PRKCE: variants seen among roughly 807,000 people sequenced by gnomAD.
PRKCE encodes the protein protein kinase C epsilon type.
Under a neutral mutation model 85.4 loss-of-function variants are expected in PRKCE, and 16 were observed. The ratio of observed to expected loss-of-function variants is 0.19; its 90% confidence interval spans 0.13 to 0.28. The LOEUF (loss-of-function observed/expected upper bound fraction) is 0.28. PRKCE is among the 10% of genes least tolerant of loss of function. PRKCE has a pLI of 1.00. For synonymous variants in PRKCE, 388 were observed against 371.5 expected (o/e 1.04, Z -0.51); for missense variants, 573 against 975.2 (o/e 0.59, Z 5.49).
chr2:46,041,282 A>C lies in PRKCE; in HGVS notation c.1437+30765A>C, dbSNP rs1708200655. Among the ~76,000 whole-genome samples the C allele has an allele frequency of 6.6e-6, 1 of 152,248 alleles. No homozygotes were observed. The highest frequency in any genetic ancestry group is 6.5e-5 in the Admixed American group (1 of 15,282). On this transcript the variant is annotated intron_variant, in intron 10 of 14. Transcript: ENST00000306156. The surrounding 1 kb of genome is among the most constrained non-coding windows in gnomAD (Gnocchi z 5.5). ...CAGAATTTTAAAGCAATATTAAAAC[A>C]AAACAAAATCCCTTTTCATGTAATG...
chr2:46,151,280 T>C (rs1342339807), intron 13 of PRKCE, 51 bp downstream of exon 13: 298 of 558,800 alleles, frequency 5.3e-4, no homozygotes, highest in Admixed American at 1.1e-3. Flanking sequence ...CTCCTCCCCC[T>C]ACACACACAC....
chr2:46,073,003 A>G (rs1192751323), intron 10 of PRKCE, among the ~76,000 whole-genome samples: 1 of 152,212 alleles, frequency 6.6e-6, no homozygotes, highest in Non-Finnish European at 1.5e-5. Context: ...TCAAAAATAA[A>G]TGCACATTCC....
intron 1 of PRKCE, among the ~76,000 whole-genome samples, chr2:45,725,542 C>T (rs1189954348): frequency 1.3e-5 from 2 of 152,146 alleles, no homozygotes; most frequent in African/African-American, 2.4e-5. Flanking sequence ...AAAGGATTCA[C>T]CATTCTAGAT....
chr2:45,911,042 A>G (rs879389344), intron 2 of PRKCE, among the ~76,000 whole-genome samples: 2 of 152,224 alleles, frequency 1.3e-5, no homozygotes, highest in African/African-American at 2.4e-5. Flanking sequence ...GGCTTTTTCA[A>G]TGGAGAGGTG....
chr2:46,060,907 G>A (rs532093134), intron 10 of PRKCE, among the ~76,000 whole-genome samples: 12 of 151,670 alleles, frequency 7.9e-5, no homozygotes, highest in African/African-American at 2.7e-4. Context: ...GACCGCAGGC[G>A]CACGCCACCA....
At chr2:45,688,291 T>C (rs544592673) in intron 1 of PRKCE, among the ~76,000 whole-genome samples, 1 of 152,226 alleles carries the variant, frequency 6.6e-6, no homozygotes, top group East Asian at 1.9e-4. Flanking sequence ...AAATTAAGAA[T>C]TCCCTAGTGT....
Position 45,918,888 on chromosome 2 carries a change from G to C in PRKCE, c.413-57541G>C, listed in dbSNP as rs373798638. On this transcript the variant is annotated intron_variant, in intron 2 of 14. Transcript: ENST00000306156. The stretch of plus-strand genomic sequence containing the variant: ...TATTGAATGTTGCAGAGGTTGGAGG[G>C]TCTCACAGCTCCTTTCACCATCTAA... 3.9e-5 allele frequency among the ~76,000 whole-genome samples: 6 copies of C among 152,182 alleles called. No homozygotes were observed. In the East Asian group the frequency reaches 1.2e-3, roughly 29 times the overall value.
rs570419943 is a variant in PRKCE at position 46,015,950 on chromosome 2, C to T, written c.1437+5433C>T. On this transcript the variant is annotated intron_variant, in intron 10 of 14. Coordinates refer to ENST00000306156, the MANE Select transcript of PRKCE (RefSeq NM_005400.3). ...ACAATGAGTTGGTTTGTGGGTCAGG[C>T]AGCCACCTGGGAATCAATATGCTCG... is the stretch of plus-strand genomic sequence containing the variant. Among the ~76,000 whole-genome samples the T allele has an allele frequency of 2.0e-5, 3 of 152,276 alleles. No homozygotes were observed. The East Asian group carries it at 5.8e-4, about 29-fold the overall frequency.
chr2:46,081,425 T>A (rs1339324058), intron 10 of PRKCE, among the ~76,000 whole-genome samples: 2 of 152,214 alleles, frequency 1.3e-5, no homozygotes, highest in Non-Finnish European at 2.9e-5. Context: ...CAAGCCAGAG[T>A]TACCAACAGT....
intron 10 of PRKCE, among the ~76,000 whole-genome samples, chr2:46,013,458 G>T (rs929100114): frequency 1.3e-5 from 2 of 152,194 alleles, no homozygotes; most frequent in Non-Finnish European, 2.9e-5. Flanking sequence ...TCTTCCCTAC[G>T]ATCTAGTGGA....
chr2:46,060,298 T>C (rs1666979337), intron 10 of PRKCE, among the ~76,000 whole-genome samples: 1 of 149,392 alleles, frequency 6.7e-6, no homozygotes, highest in African/African-American at 2.5e-5. Context: ...ATGTCTAATC[T>C]CCATACGTCA....
chr2:45,823,802 T>C (rs1344354567), intron 1 of PRKCE, among the ~76,000 whole-genome samples: 1 of 152,254 alleles, frequency 6.6e-6, no homozygotes, highest in Non-Finnish European at 1.5e-5. Context: ...GCTTTGCTGC[T>C]GGCAGCCACA....
chr2:46,142,985 A>C (rs1293652294), intron 11 of PRKCE, among the ~76,000 whole-genome samples: 1 of 152,192 alleles, frequency 6.6e-6, no homozygotes, highest in African/African-American at 2.4e-5. Flanking sequence ...CTGGCATTGG[A>C]GGAAGTCAAC....
At chr2:45,741,094 T>A (rs2176347) in intron 1 of PRKCE, among the ~76,000 whole-genome samples, 11 of 152,022 alleles carry the variant, frequency 7.2e-5, no homozygotes, top group South Asian at 2.1e-4. Flanking sequence ...GGAAATTTCC[T>A]TAGTGGAATT....
intron 1 of PRKCE, among the ~76,000 whole-genome samples, chr2:45,841,275 G>A (rs577176613): frequency 9.2e-5 from 14 of 152,342 alleles, no homozygotes; most frequent in South Asian, 2.1e-4. Flanking sequence ...CCGTCTGCAC[G>A]CTGAGGAGCA....
rs1677152683 is a variant in PRKCE, at chr2:46,155,948, A to G, written c.1921-3658A>G. Among the ~76,000 whole-genome samples, 1 of 151,868 alleles carries G rather than the reference A, an allele frequency of 6.6e-6. No homozygotes were observed. The highest frequency in any genetic ancestry group is 3.4e-3 in the Middle Eastern group (1 of 292). Reference sequence around the variant, plus strand: ...TGCAGCGCACCAGCATGGCACATGTATACATATGTAACTAACCTGCACAAT... The same window carrying G: ...TGCAGCGCACCAGCATGGCACATGTGTACATATGTAACTAACCTGCACAAT... On this transcript the variant is annotated intron_variant, in intron 13 of 14. Coordinates refer to ENST00000306156, the MANE Select transcript of PRKCE (RefSeq NM_005400.3). The surrounding 1 kb of genome is among the most constrained non-coding windows in gnomAD (Gnocchi z 4.7).
chr2:45,931,358 A>G (rs960258551), intron 2 of PRKCE, among the ~76,000 whole-genome samples: 3 of 152,238 alleles, frequency 2.0e-5, no homozygotes, highest in African/African-American at 7.2e-5. Flanking sequence ...TAAGGTGAAC[A>G]TTCCTCAGAC....
chr2:46,025,028 A>G (rs1255125835), intron 10 of PRKCE, among the ~76,000 whole-genome samples: 1 of 152,226 alleles, frequency 6.6e-6, no homozygotes, highest in Non-Finnish European at 1.5e-5. Context: ...AACACACTTC[A>G]CAAAGTATAG....
At position 45,792,227 on chromosome 2, in the gene PRKCE, G is replaced by T. The variant is rs546255669; in HGVS notation, c.349-50773G>T. ...GGGTGTCCTGGCTTTTAACAACCCA[G>T]TCTCACCAGAAGTAATCCAGTCTCC... On this transcript the variant is annotated intron_variant, in intron 1 of 14. Transcript: ENST00000306156. Among the ~76,000 whole-genome samples, 10 of 152,214 alleles carry T rather than the reference G, an allele frequency of 6.6e-5. No individual in the cohort carries two copies. The East Asian group carries it at 1.9e-3, about 29-fold the overall frequency.
Sources: gnomAD v4.1 joint callset for allele counts (sites outside exome capture counted in the v4.1 genomes callset) on GRCh38, gnomAD v4.1.1 for gene constraint, Gnocchi (gnomAD v3.1) non-coding constraint, MANE v1.5 for transcripts, NCBI Gene and HGNC (gene_info 2026-07-23, HGNC 2026-07-21) for gene names.